GTF2F2: variants seen among roughly 807,000 people sequenced by gnomAD.
GTF2F2 encodes ATP-dependent helicase GTF2F2.
GTF2F2 carries 23 observed loss-of-function variants against 42.2 expected under a neutral mutation model. That is an observed-to-expected ratio of 0.55 (90% CI 0.39 to 0.77). The LOEUF is 0.77. Among genes scored for constraint, GTF2F2 ranks in the 30% least tolerant of loss-of-function variants. The pLI, the probability that GTF2F2 is intolerant of heterozygous loss-of-function variation, is 0.00. For synonymous variants in GTF2F2, 105 were observed against 100.8 expected (o/e 1.04, Z -0.25); for missense variants, 261 against 287.2 (o/e 0.91, Z 0.66).
rs971799245 is a variant in GTF2F2, at chr13:45,284,679, A to C, written c.*1118A>C. On this transcript the variant is annotated 3_prime_UTR_variant, in exon 8 of 8. Coordinates refer to ENST00000340473, the MANE Select transcript of GTF2F2 (RefSeq NM_004128.3). The stretch of plus-strand genomic sequence containing the variant: ...AAGTTGCCATAGTGTTTGCAGGAAA[A>C]AAAGAGAAAAAATAATAAAAATAAG... The C allele has an allele frequency of 6.6e-6, 1 of 152,212 alleles. No homozygotes were observed. Among genetic ancestry groups the C allele is most frequent in the Non-Finnish European group, 1.5e-5 (1 of 68,044 alleles). The allele number at this position is 152,212 out of a possible 1,614,324, so 9.4% of individuals were successfully genotyped here. A position where few individuals can be genotyped will look rare whatever the true frequency, so the allele number is the denominator to read the frequency against.
At chr13:45,180,899 C>T (rs1382243547) in intron 4 of GTF2F2, among the ~76,000 whole-genome samples, 1 of 152,010 alleles carries the variant, frequency 6.6e-6, no homozygotes, top group Non-Finnish European at 1.5e-5. Context: ...TGGTGGGTCA[C>T]GCCTATAATC....
intron 4 of GTF2F2, among the ~76,000 whole-genome samples, chr13:45,173,108 A>G (rs1310862778): frequency 6.6e-6 from 1 of 152,212 alleles, no homozygotes; most frequent in East Asian, 1.9e-4. Context: ...TATGCAATGT[A>G]GAGACACATA....
Position 45,278,686 on chromosome 13 carries a change from C to G in GTF2F2, c.631-4756C>G, listed in dbSNP as rs182060598. On this transcript the variant is annotated intron_variant, in intron 7 of 7. Coordinates refer to ENST00000340473, the MANE Select transcript of GTF2F2 (RefSeq NM_004128.3). ...CTGTTCAAATCGAATGATCAAATAT[C>G]TATCCTCAAAGAACCTAACATCTCT... is the stretch of plus-strand genomic sequence containing the variant. Among the ~76,000 whole-genome samples the G allele has an allele frequency of 2.2e-3, 335 of 152,120 alleles. 1 individual carries two copies. Among genetic ancestry groups the G allele is most frequent in the African/African-American group, 7.8e-3 (323 of 41,524 alleles).
Position 45,151,840 on chromosome 13 carries a change from G to T in GTF2F2, c.304+9G>T, listed in dbSNP as rs1321331456. ...TACTGAGAGCTCATCAGGTAAGTGG[G>T]AATGGAATTATTTAATGTGATTCCT... On this transcript the variant is annotated intron_variant, in intron 4 of 7. Coordinates refer to ENST00000340473, the MANE Select transcript of GTF2F2 (RefSeq NM_004128.3). 7.3e-7 allele frequency: 1 copy of T among 1,367,370 alleles called. No individual in the cohort carries two copies. The highest frequency in any genetic ancestry group is 2.4e-5 in the Admixed American group (1 of 41,596). The allele number at this position is 1,367,370 out of a possible 1,614,324, so 84.7% of individuals were successfully genotyped here.
At chr13:45,268,185 C>T (rs932459754) in intron 7 of GTF2F2, among the ~76,000 whole-genome samples, 5 of 152,050 alleles carry the variant, frequency 3.3e-5, no homozygotes, top group African/African-American at 1.2e-4. Context: ...TGAATGGAAA[C>T]CCTTTTATCT....
intron 4 of GTF2F2, among the ~76,000 whole-genome samples, chr13:45,165,263 ATATT>A (rs964758376): frequency 6.7e-6 from 1 of 148,320 alleles, no homozygotes; most frequent in Non-Finnish European, 1.5e-5. Context: ...GAAAAAATGT[ATATT>A]TATATATAAT....
At chr13:45,264,362 A>T (rs565767172) in intron 6 of GTF2F2, among the ~76,000 whole-genome samples, 15 of 151,592 alleles carry the variant, frequency 9.9e-5, no homozygotes, top group Non-Finnish European at 1.9e-4. Context: ...GCTCACTGCA[A>T]CCTCTGTCTC....
At chr13:45,166,026 C>T (rs1187888772) in intron 4 of GTF2F2, among the ~76,000 whole-genome samples, 3 of 151,950 alleles carry the variant, frequency 2.0e-5, no homozygotes, top group Non-Finnish European at 4.4e-5. Context: ...GTTGGCCAGG[C>T]TTGTCTCCAA....
intron 4 of GTF2F2, among the ~76,000 whole-genome samples, chr13:45,187,631 T>G (rs1247179799): frequency 6.6e-6 from 1 of 152,230 alleles, no homozygotes; most frequent in African/African-American, 2.4e-5. Flanking sequence ...AGAAACAAAT[T>G]AATTGTAATA....
intron 5 of GTF2F2, among the ~76,000 whole-genome samples, chr13:45,215,529 G>T (rs1471923679): frequency 1.3e-5 from 2 of 152,164 alleles, no homozygotes; most frequent in African/African-American, 2.4e-5. Context: ...GGAGGCTGAG[G>T]CGAGTGGATC....
rs139624889 is a variant in GTF2F2, at chr13:45,253,633, A to C, written c.486+663A>C. Among the ~76,000 whole-genome samples the C allele has an allele frequency of 3.9e-5, 6 of 152,322 alleles. No homozygotes were observed. In the East Asian group the frequency reaches 1.2e-3, roughly 29 times the overall value. The stretch of plus-strand genomic sequence containing the variant: ...AAGTTGTAAGTTGTGCAACCTTCTG[A>C]GTAGTATGATGAAACCTAGCACCAT... On this transcript the variant is annotated intron_variant, in intron 6 of 7. Coordinates refer to ENST00000340473, the MANE Select transcript of GTF2F2 (RefSeq NM_004128.3).
At chr13:45,198,989 A>T (rs61949174) in intron 4 of GTF2F2, among the ~76,000 whole-genome samples, 31,424 of 152,144 alleles carry the variant, frequency 0.21, 3,485 homozygotes, top group African/African-American at 0.23. Context: ...ATTTTGAAAT[A>T]TAAAATTTAT....
At chr13:45,183,919 G>A (rs1389501887) in intron 4 of GTF2F2, among the ~76,000 whole-genome samples, 2 of 151,688 alleles carry the variant, frequency 1.3e-5, no homozygotes, top group African/African-American at 4.9e-5. Flanking sequence ...ACAGTGGCAC[G>A]ATCTTGGCTC....
At chr13:45,143,897 A>G (rs7992654) in intron 2 of GTF2F2, among the ~76,000 whole-genome samples, 33,058 of 152,098 alleles carry the variant, frequency 0.22, 3,860 homozygotes, top group African/African-American at 0.27. Flanking sequence ...TTCTAAACCA[A>G]TGTACCTGGA....
intron 5 of GTF2F2, among the ~76,000 whole-genome samples, chr13:45,231,504 A>G (rs1266328532): frequency 1.3e-5 from 2 of 152,188 alleles, no homozygotes; most frequent in Non-Finnish European, 2.9e-5. Context: ...GAGAGAGACC[A>G]TATGGCCTGA....
rs141099945 is a variant in GTF2F2 at position 45,176,919 on chromosome 13, G to A, written c.304+25088G>A. ...TACTGCCTCAGCCTCCCGAGTAGCC[G>A]GGATTATAGGTGCCCGCCACCATGC... On this transcript the variant is annotated intron_variant, in intron 4 of 7. Transcript: ENST00000340473. Among the ~76,000 whole-genome samples the A allele has an allele frequency of 4.8e-3, 723 of 152,036 alleles. 10 individuals are homozygous for A. The highest frequency in any genetic ancestry group is 0.019 in the East Asian group (100 of 5,166).
chr13:45,205,798 G>C (rs543460882), intron 4 of GTF2F2, among the ~76,000 whole-genome samples: 1 of 152,258 alleles, frequency 6.6e-6, no homozygotes, highest in South Asian at 2.1e-4. Context: ...GATTATAGCT[G>C]TGAGCCACCG....
Position 45,207,516 on chromosome 13 carries a change from T to C in GTF2F2, c.386+11T>C. 6.5e-7 allele frequency: 1 copy of C among 1,541,634 alleles called. No individual in the cohort carries two copies. The highest frequency in any genetic ancestry group is 9.0e-7 in the Non-Finnish European group (1 of 1,113,932). ...CATGCGATTAAAAAGGTTGGTGTTT[T>C]GTAACTCCAGAATGATACCTGATAT... On this transcript the variant is annotated intron_variant, in intron 5 of 7. Transcript: ENST00000340473.
chr13:45,129,622 T>A (rs1869230015), intron 1 of GTF2F2, among the ~76,000 whole-genome samples: 1 of 152,216 alleles, frequency 6.6e-6, no homozygotes, highest in Admixed American at 6.5e-5. Flanking sequence ...ATCATTGCTG[T>A]TACATTAGTG....
Sources: gnomAD v4.1 joint callset for allele counts (sites outside exome capture counted in the v4.1 genomes callset) on GRCh38, gnomAD v4.1.1 for gene constraint, MANE v1.5 for transcripts, NCBI Gene and HGNC (gene_info 2026-07-23, HGNC 2026-07-21) for gene names.